WDR27: variants seen among roughly 807,000 people sequenced by gnomAD.
The protein encoded by WDR27 is WD repeat domain 27.
A neutral mutation model predicts 114.4 loss-of-function variants in WDR27; 100 were observed. That is an observed-to-expected ratio of 0.87 (90% CI 0.74 to 1.03). WDR27 has a LOEUF of 1.03. WDR27 is among the 50% of genes least tolerant of loss of function. WDR27 has a pLI of 0.00. For missense variants in WDR27, 1,129 were observed against 1,092.9 expected (o/e 1.03, Z -0.47); for synonymous variants, 449 against 423.1 (o/e 1.06, Z -0.75).
Position 169,457,439 on chromosome 6 carries a change from G to T in WDR27, c.*153C>A. The T allele has an allele frequency of 1.7e-6, 1 of 589,250 alleles. No individual in the cohort carries two copies. Among genetic ancestry groups the T allele is most frequent in the Admixed American group, 3.3e-5 (1 of 30,474 alleles). The allele number at this position is 589,250 out of a possible 1,614,324, so 36.5% of individuals were successfully genotyped here. A position where few individuals can be genotyped will look rare whatever the true frequency, so the allele number is the denominator to read the frequency against. Reference sequence around the variant, plus strand: ...TCTGACATGGCACACACAGAGGGGAGGAGCTTGCAAACGGGGGAAATCTGA... The same window carrying T: ...TCTGACATGGCACACACAGAGGGGATGAGCTTGCAAACGGGGGAAATCTGA... On this transcript the variant is annotated 3_prime_UTR_variant, in exon 26 of 26. Coordinates refer to ENST00000448612, the MANE Select transcript of WDR27 (RefSeq NM_182552.5).
chr6:169,634,385 A>G, intron 20 of WDR27, 43 bp downstream of exon 20: 1 of 1,451,994 alleles, frequency 6.9e-7, no homozygotes. Flanking sequence ...GAGGAACAAC[A>G]CTCAGGGCGT....
chr6:169,498,802 G>C (rs566282275), intron 25 of WDR27, among the ~76,000 whole-genome samples: 1 of 152,304 alleles, frequency 6.6e-6, no homozygotes, highest in African/African-American at 2.4e-5. Flanking sequence ...ACAGATAGCA[G>C]TTGCCAGGGG....
chr6:169,447,440 C>T, the WDR27 span, among the ~76,000 whole-genome samples: 1 of 152,096 alleles, frequency 6.6e-6, no homozygotes, highest in Non-Finnish European at 1.5e-5. Context: ...CTTCAGATTC[C>T]ATTTCTTCTC....
the WDR27 span, among the ~76,000 whole-genome samples, chr6:169,448,911 G>A: frequency 6.6e-6 from 1 of 152,198 alleles, no homozygotes; most frequent in Admixed American, 6.5e-5. Context: ...ATCACGGCAA[G>A]AGTGCATGCA....
chr6:169,639,158 T>G (rs1420516189), intron 17 of WDR27, among the ~76,000 whole-genome samples: 2 of 141,180 alleles, frequency 1.4e-5, no homozygotes, highest in East Asian at 4.1e-4. Flanking sequence ...GTGTGGGGCG[T>G]GTACTGCGTG....
In WDR27 at chr6:169,688,957, C is replaced by T. The variant is rs747863270; in HGVS notation, c.49G>A (p.Asp17Asn). ...IFSSNGGCLS[D>N]IVIEKYLVES... ...ACCAGGTATTTTTCTATAACTATAT[C>T]ACTTAGACAGCCACCATTACTTGAG... The change falls in exon 2 of 26, where the codon GAT (aspartate) becomes AAT (asparagine). Residue 17 changes from aspartate to asparagine, a missense_variant. Physicochemically the swap from Asp to Asn is conservative, Grantham distance 23. Transcript: ENST00000448612. 2 of 1,612,966 alleles carry T rather than the reference C, an allele frequency of 1.2e-6. No homozygotes were observed. The highest frequency in any genetic ancestry group is 2.2e-5 in the South Asian group (2 of 90,744).
At chr6:169,662,446 A>C in intron 8 of WDR27, 22 bp from the exon 9 acceptor site, 1 of 1,611,608 alleles carries the variant, frequency 6.2e-7, no homozygotes, top group Non-Finnish European at 8.5e-7. Context: ...ATTATTGAGA[A>C]TCTAAGAAGT....
chr6:169,633,378 AAAC>A (rs1816886565), intron 20 of WDR27, among the ~76,000 whole-genome samples: 1 of 152,168 alleles, frequency 6.6e-6, no homozygotes, highest in Non-Finnish European at 1.5e-5. Context: ...GATGTCCATG[AAAC>A]ACCCAAATCA....
rs773734489 is a variant in WDR27 at position 169,664,153 on chromosome 6, C to G, written c.904+13G>C. On this transcript the variant is annotated intron_variant, in intron 8 of 25. Coordinates refer to ENST00000448612, the MANE Select transcript of WDR27 (RefSeq NM_182552.5). ...CCAAGTGGGAGGCCTGAGGGAGGGTCTGAGCAACCCACCTGGCTGGCTGCA... is the reference window on the plus strand; with the variant it reads ...CCAAGTGGGAGGCCTGAGGGAGGGTGTGAGCAACCCACCTGGCTGGCTGCA... 1.8e-5 allele frequency: 29 copies of G among 1,572,888 alleles called. No homozygotes were observed. Among genetic ancestry groups the G allele is most frequent in the Non-Finnish European group, 2.3e-5 (27 of 1,159,872 alleles).
intron 23 of WDR27, among the ~76,000 whole-genome samples, chr6:169,594,629 TG>T (rs1399741448): frequency 1.3e-5 from 2 of 152,222 alleles, no homozygotes; most frequent in Non-Finnish European, 2.9e-5. Context: ...GTATTTTCAT[TG>T]TGAATTTTAG....
intron 1 of WDR27, among the ~76,000 whole-genome samples, chr6:169,689,632 T>C (rs1347605516): frequency 1.3e-5 from 2 of 152,220 alleles, no homozygotes; most frequent in African/African-American, 4.8e-5. Flanking sequence ...AAAGATAAAA[T>C]GTTTCAGATC....
At chr6:169,481,934 C>T (rs191094342) in intron 25 of WDR27, among the ~76,000 whole-genome samples, 3 of 152,296 alleles carry the variant, frequency 2.0e-5, no homozygotes, top group South Asian at 4.1e-4. Context: ...CAAGAACACA[C>T]CAATTCCGGA....
At chr6:169,595,244 A>G (rs1220371523) in intron 23 of WDR27, among the ~76,000 whole-genome samples, 1 of 152,234 alleles carries the variant, frequency 6.6e-6, no homozygotes, top group African/African-American at 2.4e-5. Flanking sequence ...TTTATTTTTA[A>G]TTCTATTTAA....
chr6:169,491,030 C>T lies in WDR27; in HGVS notation c.2646-33396G>A, dbSNP rs144141709. 7.2e-4 allele frequency among the ~76,000 whole-genome samples: 109 copies of T among 152,254 alleles called. No homozygotes were observed. In the East Asian group the frequency reaches 0.017, roughly 23 times the overall value. The stretch of plus-strand genomic sequence containing the variant: ...TGCTGCACAGAAAAACGTGGACTTA[C>T]GTACTTTCCAAGTAGCAAATCCACT... On this transcript the variant is annotated intron_variant, in intron 25 of 25. Coordinates refer to ENST00000448612, the MANE Select transcript of WDR27 (RefSeq NM_182552.5).
At chr6:169,694,662 T>G (rs139500216) in intron 1 of WDR27, among the ~76,000 whole-genome samples, 1 of 152,194 alleles carries the variant, frequency 6.6e-6, no homozygotes, top group Admixed American at 6.5e-5. Context: ...AATATGTAAT[T>G]AAACAGTTAT....
At chr6:169,594,725 A>G (rs1806433377) in intron 23 of WDR27, among the ~76,000 whole-genome samples, 1 of 152,116 alleles carries the variant, frequency 6.6e-6, no homozygotes, top group Non-Finnish European at 1.5e-5. Context: ...AATCTGCTTT[A>G]TTTTTATTTT....
intron 7 of WDR27, 98 bp downstream of exon 7, chr6:169,665,388 C>T: frequency 6.7e-7 from 1 of 1,484,322 alleles, no homozygotes; most frequent in Non-Finnish European, 9.0e-7. Context: ...TTTCAAATCG[C>T]AGGAAAATAC....
intron 5 of WDR27, 127 bp from the exon 6 acceptor site, chr6:169,667,314 A>C (rs2128287468): frequency 8.0e-7 from 1 of 1,246,780 alleles, no homozygotes; most frequent in South Asian, 3.8e-5. Context: ...AGAAAACAAT[A>C]AAATGAGCAC....
chr6:169,617,438 C>T (rs142953308), intron 21 of WDR27, among the ~76,000 whole-genome samples: 12 of 152,272 alleles, frequency 7.9e-5, no homozygotes, highest in South Asian at 6.2e-4. Context: ...TGCAATGGCA[C>T]GATCTCAGCT....
Sources: gnomAD v4.1 joint callset for allele counts (sites outside exome capture counted in the v4.1 genomes callset) on GRCh38, gnomAD v4.1.1 for gene constraint, MANE v1.5 for transcripts, NCBI Gene and HGNC (gene_info 2026-07-23, HGNC 2026-07-21) for gene names.